Variants in XPNPEP3 observed in about 807,000 individuals in gnomAD.
XPNPEP3 encodes the protein xaa-Pro aminopeptidase 3.
Under a neutral mutation model 60.0 loss-of-function variants are expected in XPNPEP3, and 41 were observed. The observed-to-expected ratio is 0.68, with a 90% CI of 0.53 to 0.89. The LOEUF (loss-of-function observed/expected upper bound fraction) is 0.89, where lower values mean the gene tolerates loss of function less well. XPNPEP3 is among the 40% of genes least tolerant of loss of function. The pLI is 0.00. For missense variants in XPNPEP3, 598 were observed against 638.9 expected, an observed-to-expected ratio of 0.94 and a Z score of 0.69; for synonymous variants, 212 against 223.2, an observed-to-expected ratio of 0.95 and a Z score of 0.45.
chr22:40,898,621 C>T (rs868238440), intron 4 of XPNPEP3, among the ~76,000 whole-genome samples: 26 of 152,070 alleles, frequency 1.7e-4, no homozygotes, highest in South Asian at 4.1e-4. Context: ...TTTCATGCCC[C>T]ATTTCTTTCT....
intron 4 of XPNPEP3, chr22:40,906,991 A>G (rs2058158166): frequency 1.1e-5 from 5 of 449,854 alleles, no homozygotes; most frequent in Non-Finnish European, 2.2e-5. Flanking sequence ...TATCCCATCT[A>G]TGAGGGCAGA....
intron 9 of XPNPEP3, among the ~76,000 whole-genome samples, chr22:40,925,998 T>C (rs2146283249): frequency 6.6e-6 from 1 of 152,316 alleles, no homozygotes; most frequent in East Asian, 1.9e-4. Flanking sequence ...AGAATCATGA[T>C]CAGCATTGCC....
At chr22:40,873,098 C>CTTTTTCTTTTT (rs941780396) in intron 2 of XPNPEP3, among the ~76,000 whole-genome samples, 1 of 88,504 alleles carries the variant, frequency 1.1e-5, no homozygotes, top group African/African-American at 4.4e-5. Flanking sequence ...TTTTCTTTTT[C>CTTTTTCTTTTT]TTTTTTTTTT....
At chr22:40,889,067 T>C (rs2058079883) in intron 4 of XPNPEP3, among the ~76,000 whole-genome samples, 1 of 152,126 alleles carries the variant, frequency 6.6e-6, no homozygotes, top group Admixed American at 6.6e-5. Flanking sequence ...AGTGTCTCGC[T>C]ATTGCTCAGG....
intron 1 of XPNPEP3, among the ~76,000 whole-genome samples, chr22:40,863,902 C>T (rs1601487947): frequency 1.3e-5 from 2 of 152,148 alleles, no homozygotes; most frequent in Non-Finnish European, 1.5e-5. Context: ...CTGCATTTCT[C>T]GGACTAGGAC....
At chr22:40,865,870 C>T (rs1469935249) in intron 1 of XPNPEP3, among the ~76,000 whole-genome samples, 1 of 152,162 alleles carries the variant, frequency 6.6e-6, no homozygotes, top group African/African-American at 2.4e-5. Flanking sequence ...CCTTCTTTCT[C>T]CTGTGCTCTT....
intron 4 of XPNPEP3, among the ~76,000 whole-genome samples, chr22:40,890,683 A>G (rs749959842): frequency 1.3e-4 from 20 of 152,208 alleles, no homozygotes; most frequent in Non-Finnish European, 2.6e-4. Context: ...CCTGGGCAAC[A>G]TGGTGAAACC....
intron 4 of XPNPEP3, among the ~76,000 whole-genome samples, chr22:40,886,833 A>G (rs1240294610): frequency 1.3e-5 from 2 of 151,694 alleles, no homozygotes; most frequent in Non-Finnish European, 2.9e-5. Flanking sequence ...TCTCAAAAAA[A>G]AAAAAAAAAA....
At chr22:40,869,770 T>C (rs571172052) in intron 2 of XPNPEP3, among the ~76,000 whole-genome samples, 1 of 152,360 alleles carries the variant, frequency 6.6e-6, no homozygotes, top group Admixed American at 6.5e-5. Context: ...TTTTTTGTTT[T>C]GATTTCTTGC....
At chr22:40,879,099 A>G (rs1336988304) in intron 2 of XPNPEP3, among the ~76,000 whole-genome samples, 1 of 152,206 alleles carries the variant, frequency 6.6e-6, no homozygotes, top group East Asian at 1.9e-4. Context: ...ATGAATAATT[A>G]TCAAGGAAAT....
chr22:40,882,242 T>C, intron 3 of XPNPEP3, 65 bp downstream of exon 3: 3 of 1,567,532 alleles, frequency 1.9e-6, no homozygotes, highest in Non-Finnish European at 2.6e-6. Context: ...CTTGCCTGTT[T>C]AGACAAGTCC....
intron 9 of XPNPEP3, 37 bp from the exon 10 acceptor site, chr22:40,926,232 C>T (rs569288717): frequency 1.2e-6 from 2 of 1,613,378 alleles, no homozygotes; most frequent in African/African-American, 1.3e-5. Context: ...CAGTTACTAT[C>T]ATTCCTGAAC....
intron 7 of XPNPEP3, among the ~76,000 whole-genome samples, chr22:40,916,960 C>G (rs1437855357): frequency 1.3e-5 from 2 of 152,030 alleles, no homozygotes; most frequent in Non-Finnish European, 2.9e-5. Flanking sequence ...TGCCTGTAGT[C>G]CCAGCTACTC....
At chr22:40,880,268 A>T (rs529469526) in intron 2 of XPNPEP3, among the ~76,000 whole-genome samples, 1 of 150,440 alleles carries the variant, frequency 6.6e-6, no homozygotes, top group African/African-American at 2.5e-5. Flanking sequence ...TGAATAAGTT[A>T]TGGTCTCTTC....
intron 4 of XPNPEP3, among the ~76,000 whole-genome samples, chr22:40,886,775 C>T (rs907805856): frequency 3.4e-5 from 5 of 145,820 alleles, no homozygotes; most frequent in African/African-American, 1.3e-4. Context: ...TGCAGTGAGC[C>T]GAGATCGGGC....
intron 4 of XPNPEP3, among the ~76,000 whole-genome samples, chr22:40,893,708 CCAGGTT>C (rs2058097273): frequency 6.6e-6 from 1 of 151,854 alleles, no homozygotes; most frequent in African/African-American, 2.4e-5. Flanking sequence ...CCTCCACCTC[CCAGGTT>C]CAGGTGATTC....
At chr22:40,921,933 G>T (rs1299049626) in intron 7 of XPNPEP3, among the ~76,000 whole-genome samples, 3 of 151,658 alleles carry the variant, frequency 2.0e-5, no homozygotes, top group Non-Finnish European at 2.9e-5. Context: ...TTATCCCATG[G>T]TATCTGCTTC....
At chr22:40,881,699 T>C (rs569906459) in intron 2 of XPNPEP3, 71 bp from the exon 3 acceptor site, 4 of 1,544,386 alleles carry the variant, frequency 2.6e-6, no homozygotes, top group African/African-American at 1.4e-5. Flanking sequence ...TATTTCCATC[T>C]AATATTAAAC....
chr22:40,859,326 T>A (rs1272933065), intron 1 of XPNPEP3, among the ~76,000 whole-genome samples: 1 of 152,214 alleles, frequency 6.6e-6, no homozygotes, highest in Non-Finnish European at 1.5e-5. Context: ...GGGAAAACTT[T>A]GAGGAATTTT....
Sources: allele counts gnomAD v4.1 joint callset (sites outside exome capture counted in the v4.1 genomes callset), GRCh38; gene constraint gnomAD v4.1.1; transcripts MANE v1.5; gene names NCBI Gene and HGNC (gene_info 2026-07-23, HGNC 2026-07-21).